The following TOPBP1 variants were observed in gnomAD, a reference collection of about 807,000 sequenced individuals.
TOPBP1 encodes the protein DNA topoisomerase 2-binding protein 1.
A neutral mutation model predicts 167.7 loss-of-function variants in TOPBP1; 28 were observed. That is an observed-to-expected ratio of 0.17 (90% CI 0.12 to 0.23). The LOEUF (loss-of-function observed/expected upper bound fraction) is 0.23. TOPBP1 is among the 10% of genes least tolerant of loss of function. The pLI is 1.00. For synonymous variants in TOPBP1, 598 were observed against 611.4 expected, an observed-to-expected ratio of 0.98 and a Z score of 0.32; for missense variants, 1,554 against 1,809.6, an observed-to-expected ratio of 0.86 and a Z score of 2.56.
At chr3:133,645,109 T>G (rs1449964881) in intron 10 of TOPBP1, among the ~76,000 whole-genome samples, 1 of 152,200 alleles carries the variant, frequency 6.6e-6, no homozygotes, top group Non-Finnish European at 1.5e-5. Context: ...CACCACCATG[T>G]TATAGTGCCA....
At chr3:133,660,840 AAT>A (rs1237342997) in intron 2 of TOPBP1, among the ~76,000 whole-genome samples, 1 of 152,220 alleles carries the variant, frequency 6.6e-6, no homozygotes, top group Non-Finnish European at 1.5e-5. Flanking sequence ...GCAATGTGAT[AAT>A]AGACTTCCAG....
At chr3:133,658,093 CTA>C (rs1295290406) in intron 3 of TOPBP1, among the ~76,000 whole-genome samples, 152 bp from the exon 4 acceptor site, 1 of 152,200 alleles carries the variant, frequency 6.6e-6, no homozygotes, top group Non-Finnish European at 1.5e-5. Flanking sequence ...ATAAAGATGA[CTA>C]TATAATTTCT....
chr3:133,618,946 T>C (rs1043647727), intron 20 of TOPBP1, among the ~76,000 whole-genome samples: 17 of 152,024 alleles, frequency 1.1e-4, no homozygotes, highest in East Asian at 3.8e-4. Flanking sequence ...TTCCAGAGTC[T>C]ACGGTGGAAC....
intron 3 of TOPBP1, 61 bp from the exon 4 acceptor site, chr3:133,658,002 T>TG: frequency 3.0e-6 from 4 of 1,348,144 alleles, no homozygotes; most frequent in East Asian, 2.8e-5. Flanking sequence ...TCTTACAAAA[T>TG]TACATTTTGT....
intron 2 of TOPBP1, among the ~76,000 whole-genome samples, chr3:133,659,762 T>TTA (rs10662614): frequency 0.11 from 16,114 of 151,380 alleles, 899 homozygotes; most frequent in African/African-American, 0.15. Context: ...AAATACGTAT[T>TTA]TATATATATA....
intron 23 of TOPBP1, among the ~76,000 whole-genome samples, chr3:133,613,505 G>A (rs1934751703): frequency 6.6e-6 from 1 of 152,200 alleles, no homozygotes. Flanking sequence ...AGGGGCATCT[G>A]CAGACTTTAA....
chr3:133,644,914 G>A (rs548909724), intron 10 of TOPBP1, among the ~76,000 whole-genome samples: 1 of 152,208 alleles, frequency 6.6e-6, no homozygotes, highest in African/African-American at 2.4e-5. Flanking sequence ...TAAGCACTGT[G>A]ACTAAGTGCT....
chr3:133,632,852 G>A (rs77263689), intron 14 of TOPBP1, among the ~76,000 whole-genome samples: 2,281 of 152,120 alleles, frequency 0.015, 67 homozygotes, highest in African/African-American at 0.052. Context: ...TGCCCACTGC[G>A]TCCTCTATCT....
In TOPBP1 at chr3:133,617,199, T is replaced by C. The variant is rs374726727; in HGVS notation, c.3720A>G (p.Pro1240=). 3.3e-5 allele frequency: 53 copies of C among 1,613,070 alleles called. No homozygotes were observed. The Middle Eastern group carries it at 4.9e-4, about 15-fold the overall frequency. ...PTPQAPSIAF[P]LANPPVAPHP... ...GCGGAGCCACAGGGGGGTTGGCGAG[T>C]GGAAAGGCAATACTGGGGGCTTGAG... Residue 1240 remains proline (P), a synonymous_variant, in exon 22 of 28, where the codon CCA becomes CCG. Coordinates refer to ENST00000260810, the MANE Select transcript of TOPBP1 (RefSeq NM_007027.4).
At position 133,601,315 on chromosome 3, in the gene TOPBP1, C is replaced by T; in HGVS notation, c.4504G>A (p.Gly1502Arg). ...GGAGCTTTCCTCTTTTGTGATAATC[C>T]AGTCCCAAGTTCCTTATTATTCTGA... is the stretch of plus-strand genomic sequence containing the variant. ...FIQNNKELGT[G>R]LSQKRKAPTE... Residue 1502 changes from glycine (G) to arginine (R), a missense_variant, in exon 28 of 28, where the codon GGA becomes AGA. Around this residue, in one of 3 missense-constraint regions of TOPBP1, gnomAD observed 351 missense variants for 432.9 expected, o/e 0.81. Coordinates refer to ENST00000260810, the MANE Select transcript of TOPBP1 (RefSeq NM_007027.4). 1 of 1,604,342 alleles carries T rather than the reference C, an allele frequency of 6.2e-7. No homozygotes were observed. The highest frequency in any genetic ancestry group is 8.5e-7 in the Non-Finnish European group (1 of 1,175,580).
intron 24 of TOPBP1, 120 bp from the exon 25 acceptor site, chr3:133,611,261 C>T (rs1414635735): frequency 2.5e-6 from 2 of 800,526 alleles, no homozygotes; most frequent in Non-Finnish European, 3.6e-6. Flanking sequence ...TTAATTGTTA[C>T]AAATACAGAC....
intron 2 of TOPBP1, among the ~76,000 whole-genome samples, chr3:133,660,353 G>C (rs1471360091): frequency 1.3e-5 from 2 of 152,096 alleles, no homozygotes; most frequent in Non-Finnish European, 2.9e-5. Context: ...CCTCCTGCTA[G>C]AATGTAAGCT....
At chr3:133,653,040 T>C (rs191519234) in intron 7 of TOPBP1, among the ~76,000 whole-genome samples, 20 of 152,364 alleles carry the variant, frequency 1.3e-4, no homozygotes, top group African/African-American at 4.6e-4. Context: ...GATTAATATA[T>C]GCATGTAATG....
intron 19 of TOPBP1, among the ~76,000 whole-genome samples, chr3:133,622,119 A>G (rs892567611): frequency 5.9e-5 from 9 of 152,068 alleles, no homozygotes; most frequent in African/African-American, 1.9e-4. Context: ...TACTGATATA[A>G]AACACTACCC....
chr3:133,615,661 G>A (rs1252998816), intron 23 of TOPBP1, among the ~76,000 whole-genome samples: 3 of 152,088 alleles, frequency 2.0e-5, no homozygotes, highest in African/African-American at 7.2e-5. Context: ...GAGATGTGCT[G>A]TAAGTTAAAT....
In TOPBP1 at chr3:133,640,013, T is replaced by C; in HGVS notation, c.2179A>G (p.Thr727Ala). ...TIAWLLETAR[T>A]GKRADESHFL... ...TGGCTTTCGTCTGCTCTCTTTCCCG[T>C]TCTAGCAGTCTCCAACAGCCAAGCT... is the stretch of plus-strand genomic sequence containing the variant. The change falls in exon 13 of 28, where the codon ACG becomes GCG. Residue 727 changes from threonine (T) to alanine (A), a missense_variant. Around this residue, in one of 3 missense-constraint regions of TOPBP1, gnomAD observed 1,197 missense variants for 1,351.5 expected, o/e 0.89. Coordinates refer to ENST00000260810, the MANE Select transcript of TOPBP1 (RefSeq NM_007027.4). 6.2e-7 allele frequency: 1 copy of C among 1,613,920 alleles called. No homozygotes were observed. Among genetic ancestry groups the C allele is most frequent in the South Asian group, 1.1e-5 (1 of 91,080 alleles).
In TOPBP1 at chr3:133,653,478, G is replaced by A. The variant is rs1370564248; in HGVS notation, c.789C>T (p.Thr263=). The A allele has an allele frequency of 1.2e-6, 2 of 1,611,804 alleles. No homozygotes were observed. Among genetic ancestry groups the A allele is most frequent in the East Asian group, 2.2e-5 (1 of 44,762 alleles). ...CAKRWNVHCV[T]TQWFFDSIEK... ...CAATACTGTCAAAAAACCACTGTGT[G>A]GTCACACAGTGTACATTCCATCTCT... The change falls in exon 7 of 28, where the codon ACC becomes ACT. Residue 263 remains threonine (T), a synonymous_variant. Coordinates refer to ENST00000260810, the MANE Select transcript of TOPBP1 (RefSeq NM_007027.4).
rs1013404640 is a variant in TOPBP1 at position 133,657,753 on chromosome 3, A to C, written c.363+45T>G. The C allele has an allele frequency of 2.1e-6, 3 of 1,414,206 alleles. No individual in the cohort carries two copies. In the African/African-American group the frequency reaches 4.4e-5, roughly 21 times the overall value. 87.6% of individuals were successfully genotyped at this position (1,414,206 alleles called of 1,614,324 possible). On this transcript the variant is annotated intron_variant, in intron 4 of 27. Coordinates refer to ENST00000260810, the MANE Select transcript of TOPBP1 (RefSeq NM_007027.4). The stretch of plus-strand genomic sequence containing the variant: ...TATGCAGTGAAAAATTAAGAATAAG[A>C]GATAGATATATAAATTGATCAATCA...
chr3:133,603,806 A>G (rs893758032), intron 27 of TOPBP1, among the ~76,000 whole-genome samples: 2 of 151,940 alleles, frequency 1.3e-5, no homozygotes, highest in African/African-American at 4.8e-5. Context: ...ATACACAGAA[A>G]ATCTGATCAA....
Sources: gnomAD v4.1 joint callset for allele counts (sites outside exome capture counted in the v4.1 genomes callset) on GRCh38, gnomAD v4.1.1 for gene constraint, gnomAD v4.1.1 regional missense constraint, MANE v1.5 for transcripts, NCBI Gene and HGNC (gene_info 2026-07-23, HGNC 2026-07-21) for gene names.